FAM81A: variants seen among roughly 807,000 people sequenced by gnomAD.
FAM81A encodes the protein protein FAM81A.
Under a neutral mutation model 46.7 loss-of-function variants are expected in FAM81A, and 19 were observed. The observed-to-expected ratio is 0.41, with a 90% CI of 0.28 to 0.60. FAM81A has a LOEUF of 0.60. Ranked by LOEUF, FAM81A falls within the 20% of genes least tolerant of loss-of-function variation. The pLI is 0.34. For missense variants in FAM81A, 377 were observed against 453.5 expected, an observed-to-expected ratio of 0.83 and a Z score of 1.53; for synonymous variants, 183 against 152.9, an observed-to-expected ratio of 1.20 and a Z score of -1.45.
In FAM81A at chr15:59,506,073, A is replaced by G. The variant is rs1243268878; in HGVS notation, c.414-1140A>G. On this transcript the variant is annotated intron_variant, in intron 4 of 8. Transcript: ENST00000288228. ...AGGTGTCAGCATACTGGGTGTGACC[A>G]TCTGTAAGCCAGGCCTGACTTTCTC... Among the ~76,000 whole-genome samples, 7 of 152,166 alleles carry G rather than the reference A, an allele frequency of 4.6e-5. No homozygotes were observed. In the East Asian group the frequency reaches 7.7e-4, roughly 17 times the overall value.
intron 2 of FAM81A, among the ~76,000 whole-genome samples, chr15:59,420,994 CAGGCGT>C (rs2081168367): frequency 0.17 from 2 of 12 alleles, 1 homozygote. Flanking sequence ...GCTGGGATTA[CAGGCGT>C]GAGCCACCGC....
intron 2 of FAM81A, among the ~76,000 whole-genome samples, chr15:59,403,219 C>T (rs1812379737): frequency 6.6e-6 from 1 of 152,162 alleles, no homozygotes; most frequent in African/African-American, 2.4e-5. Flanking sequence ...GCTACCCCCC[C>T]ATCCCACACC....
intron 3 of FAM81A, among the ~76,000 whole-genome samples, chr15:59,491,721 T>G (rs111422287): frequency 0.081 from 12,378 of 152,084 alleles, 605 homozygotes; most frequent in African/African-American, 0.13. Flanking sequence ...AAGGTGTGCG[T>G]GTCACCTGAT....
chr15:59,514,735 A>T (rs1596548201), intron 7 of FAM81A, among the ~76,000 whole-genome samples: 1 of 152,300 alleles, frequency 6.6e-6, no homozygotes, highest in East Asian at 1.9e-4. Context: ...CACCAACTTC[A>T]TTCTTGTTTG....
intron 2 of FAM81A, among the ~76,000 whole-genome samples, chr15:59,417,788 T>C (rs893670534): frequency 3.3e-5 from 5 of 152,174 alleles, no homozygotes; most frequent in Admixed American, 6.6e-5. Flanking sequence ...TTTTTTATTA[T>C]ACTTTAAAGT....
chr15:59,449,906 C>G (rs1294382231), intron 1 of FAM81A, among the ~76,000 whole-genome samples: 5 of 145,296 alleles, frequency 3.4e-5, no homozygotes, highest in African/African-American at 1.3e-4. Flanking sequence ...AATTATAATT[C>G]ATTTCTTTTT....
At chr15:59,462,543 A>T (rs1020271954) in intron 3 of FAM81A, among the ~76,000 whole-genome samples, 6 of 152,172 alleles carry the variant, frequency 3.9e-5, no homozygotes, top group African/African-American at 1.4e-4. Context: ...TAACCATTTT[A>T]AGTGTATAAT....
At chr15:59,506,866 C>T (rs1415820555) in intron 4 of FAM81A, among the ~76,000 whole-genome samples, 1 of 152,226 alleles carries the variant, frequency 6.6e-6, no homozygotes, top group Non-Finnish European at 1.5e-5. Context: ...AGGCCCCCAA[C>T]TTCGAAAGGC....
chr15:59,481,012 T>C (rs2081843351), intron 3 of FAM81A, among the ~76,000 whole-genome samples: 1 of 152,182 alleles, frequency 6.6e-6, no homozygotes, highest in Non-Finnish European at 1.5e-5. Context: ...ATTTGTTTTT[T>C]GAGACAGGGT....
At chr15:59,406,398 C>T (rs1442884475) in intron 2 of FAM81A, among the ~76,000 whole-genome samples, 2 of 152,118 alleles carry the variant, frequency 1.3e-5, no homozygotes, top group South Asian at 2.1e-4. Flanking sequence ...ACATGGTTTG[C>T]GAGCAGTGGA....
At chr15:59,442,156 A>G (rs2081304817) in intron 1 of FAM81A, among the ~76,000 whole-genome samples, 1 of 151,154 alleles carries the variant, frequency 6.6e-6, no homozygotes, top group African/African-American at 2.4e-5. Flanking sequence ...GCCCCCAGGT[A>G]CTTCAAATCT....
intron 4 of FAM81A, among the ~76,000 whole-genome samples, chr15:59,500,096 G>A (rs2082075743): frequency 6.6e-6 from 1 of 150,928 alleles, no homozygotes; most frequent in Non-Finnish European, 1.5e-5. Flanking sequence ...CAAGTGATCT[G>A]CCCGCCTCAG....
In FAM81A at chr15:59,521,653, T is replaced by A. The variant is rs2082329538; in HGVS notation, c.*275T>A. The A allele has an allele frequency of 3.6e-6, 1 of 276,612 alleles. No individual in the cohort carries two copies. The highest frequency in any genetic ancestry group is 6.6e-6 in the Non-Finnish European group (1 of 150,514). 17.1% of individuals were successfully genotyped at this position (276,612 alleles called of 1,614,324 possible). A position where few individuals can be genotyped will look rare whatever the true frequency, so the allele number is the denominator to read the frequency against. ...TTTGAAAGGCTTTTATCTTCTTCAT[T>A]TTACGAATGGAAAGACGACAATTTT... On this transcript the variant is annotated 3_prime_UTR_variant, in exon 9 of 9. Transcript: ENST00000288228.
chr15:59,454,295 T>C (rs996209665), intron 1 of FAM81A, among the ~76,000 whole-genome samples: 4 of 152,228 alleles, frequency 2.6e-5, no homozygotes, highest in African/African-American at 9.6e-5. Context: ...TGTTTTTACA[T>C]GATTGGTATT....
chr15:59,522,438 T>C lies in FAM81A; in HGVS notation c.*1060T>C, dbSNP rs1203649793. ...TTTATCGCTGTTAAGGTATTAATCA[T>C]TCAGTATTACTAATGGAATAGAAAT... On this transcript the variant is annotated 3_prime_UTR_variant, in exon 9 of 9. Transcript: ENST00000288228. 3 of 152,662 alleles carry C rather than the reference T, an allele frequency of 2.0e-5. No homozygotes were observed. Among genetic ancestry groups the C allele is most frequent in the African/African-American group, 7.2e-5 (3 of 41,476 alleles). The allele number at this position is 152,662 out of a possible 1,614,324, so 9.5% of individuals were successfully genotyped here.
intron 2 of FAM81A, among the ~76,000 whole-genome samples, chr15:59,429,822 G>A (rs2081211719): frequency 6.6e-6 from 1 of 152,088 alleles, no homozygotes; most frequent in Admixed American, 6.6e-5. Flanking sequence ...AATAAGCCAG[G>A]GAAATTTAAG....
In FAM81A at chr15:59,510,993, C is replaced by T. The variant is rs190469573; in HGVS notation, c.650+2024C>T. Among the ~76,000 whole-genome samples the T allele has an allele frequency of 7.3e-5, 11 of 151,384 alleles. No individual in the cohort carries two copies. The East Asian group carries it at 2.1e-3, about 30-fold the overall frequency. On this transcript the variant is annotated intron_variant, in intron 6 of 8. Coordinates refer to ENST00000288228, the MANE Select transcript of FAM81A (RefSeq NM_152450.3). ...TGAAATCCTGTCTCTATTAAAAATACGAAAGTAGCTGGAAATCACCTGAAC... is the reference window on the plus strand; with the variant it reads ...TGAAATCCTGTCTCTATTAAAAATATGAAAGTAGCTGGAAATCACCTGAAC...
At chr15:59,477,911 AT>A (rs1429516461) in intron 3 of FAM81A, among the ~76,000 whole-genome samples, 42 of 152,246 alleles carry the variant, frequency 2.8e-4, no homozygotes, top group African/African-American at 1.0e-3. Flanking sequence ...CTTATCAATT[AT>A]TTATTCCTCA....
intron 4 of FAM81A, among the ~76,000 whole-genome samples, chr15:59,502,485 C>CTGTGTGTGTGTGTGTG (rs71119478): frequency 3.6e-5 from 5 of 138,282 alleles, no homozygotes; most frequent in African/African-American, 1.1e-4. Flanking sequence ...GTTGACTTCA[C>CTGTGTGTGTGTGTGTG]TGTGTGTGTG....
Sources: allele counts gnomAD v4.1 joint callset (sites outside exome capture counted in the v4.1 genomes callset), GRCh38; gene constraint gnomAD v4.1.1; transcripts MANE v1.5; gene names NCBI Gene and HGNC (gene_info 2026-07-23, HGNC 2026-07-21).